IQGAP1: variants seen among roughly 807,000 people sequenced by gnomAD.
IQGAP1 encodes the protein IQ motif containing GTPase activating protein 1.
A neutral mutation model predicts 215.6 loss-of-function variants in IQGAP1; 66 were observed. The ratio of observed to expected loss-of-function variants is 0.31; its 90% CI spans 0.25 to 0.38. IQGAP1 has a LOEUF of 0.38. IQGAP1 is among the 10% of genes least tolerant of loss of function. The pLI is 1.00. For missense variants in IQGAP1, 1,712 were observed against 1,997.1 expected (o/e 0.86, Z 2.72); for synonymous variants, 772 against 728.7 (o/e 1.06, Z -0.96).
intron 33 of IQGAP1, among the ~76,000 whole-genome samples, chr15:90,490,804 G>A (rs1044090082): frequency 6.6e-6 from 1 of 152,058 alleles, no homozygotes; most frequent in Non-Finnish European, 1.5e-5. Context: ...TGATTTGTTT[G>A]TTTGCTTGTT....
intron 4 of IQGAP1, among the ~76,000 whole-genome samples, chr15:90,430,244 C>G (rs1965283238): frequency 6.6e-6 from 1 of 152,106 alleles, no homozygotes; most frequent in Admixed American, 6.6e-5. Flanking sequence ...CATCCCAGTC[C>G]TGTCTGAATC....
chr15:90,464,999 A>G (rs1596279845), intron 15 of IQGAP1, among the ~76,000 whole-genome samples: 1 of 152,186 alleles, frequency 6.6e-6, no homozygotes, highest in Non-Finnish European at 1.5e-5. Context: ...AAAGTAAGTC[A>G]CCTCCACTAC....
At chr15:90,487,388 A>G (rs1596292085) in intron 32 of IQGAP1, 107 bp from the exon 33 acceptor site, 1 of 797,402 alleles carries the variant, frequency 1.3e-6, no homozygotes. Flanking sequence ...GCCGCTTGGG[A>G]CTTCTGTGAG....
intron 2 of IQGAP1, among the ~76,000 whole-genome samples, chr15:90,418,712 A>C (rs1965089238): frequency 6.6e-6 from 1 of 152,240 alleles, no homozygotes; most frequent in African/African-American, 2.4e-5. Flanking sequence ...TGATAGAAGT[A>C]AGGGTTGTTA....
chr15:90,401,543 C>G (rs201963338), intron 2 of IQGAP1, among the ~76,000 whole-genome samples: 3 of 152,228 alleles, frequency 2.0e-5, no homozygotes, highest in African/African-American at 4.8e-5. Flanking sequence ...GCCTCTCCCC[C>G]TCTTCCTCAT....
chr15:90,428,442 G>A (rs1965257055), intron 3 of IQGAP1, among the ~76,000 whole-genome samples: 1 of 152,006 alleles, frequency 6.6e-6, no homozygotes, highest in East Asian at 1.9e-4. Flanking sequence ...TAGGCAGAAT[G>A]GGAAGATAGT....
intron 2 of IQGAP1, among the ~76,000 whole-genome samples, chr15:90,420,322 A>G (rs746564005): frequency 3.3e-5 from 5 of 152,208 alleles, no homozygotes; most frequent in African/African-American, 7.2e-5. Context: ...GAGACAGGAC[A>G]TGGAACCAGA....
At chr15:90,422,031 A>C (rs1240233203) in intron 2 of IQGAP1, among the ~76,000 whole-genome samples, 1 of 152,220 alleles carries the variant, frequency 6.6e-6, no homozygotes, top group Non-Finnish European at 1.5e-5. Flanking sequence ...AGTTAAGCTA[A>C]AATACCTTTA....
Position 90,491,365 on chromosome 15 carries a change from T to A in IQGAP1, c.4281T>A (p.Arg1427=). Residue 1427 remains arginine (R), a synonymous_variant, in exon 34 of 38, where the codon CGT becomes CGA. Coordinates refer to ENST00000268182, the MANE Select transcript of IQGAP1 (RefSeq NM_003870.4). ...AACATCAGAGAGCCATGCAGAGACGTGCTATCCGTGATGCCAAAACACCTG... is the reference window on the plus strand; with the variant it reads ...AACATCAGAGAGCCATGCAGAGACGAGCTATCCGTGATGCCAAAACACCTG... ...EAEHQRAMQR[R]AIRDAKTPDK... is the part of the protein sequence containing the mutation. 1 of 1,614,092 alleles carries A rather than the reference T, an allele frequency of 6.2e-7. No individual in the cohort carries two copies. The highest frequency in any genetic ancestry group is 1.3e-5 in the African/African-American group (1 of 75,022).
At chr15:90,454,643 T>C in intron 14 of IQGAP1, 91 bp downstream of exon 14, 2 of 1,363,842 alleles carry the variant, frequency 1.5e-6, no homozygotes, top group Admixed American at 2.7e-5. Context: ...CCTAGAAGGA[T>C]TTTTGGGTGA....
At chr15:90,407,802 C>T (rs1184211260) in intron 2 of IQGAP1, among the ~76,000 whole-genome samples, 1 of 152,140 alleles carries the variant, frequency 6.6e-6, no homozygotes, top group Non-Finnish European at 1.5e-5. Context: ...GTTTTTAGCT[C>T]CTCCATTGTT....
chr15:90,399,570 G>A (rs1194071374), intron 2 of IQGAP1, among the ~76,000 whole-genome samples: 1 of 152,106 alleles, frequency 6.6e-6, no homozygotes, highest in Admixed American at 6.5e-5. Flanking sequence ...GAGTTTAAAT[G>A]TCAGTCTTTC....
At position 90,501,224 on chromosome 15, in the gene IQGAP1, G is replaced by A. The variant is rs563676434; in HGVS notation, c.*1116G>A. ...ACCAGCCAACCTATGTTACACGTGA[G>A]ATTAAAACCAATTTTTTCCCCATTT... On this transcript the variant is annotated 3_prime_UTR_variant, in exon 38 of 38. Coordinates refer to ENST00000268182, the MANE Select transcript of IQGAP1 (RefSeq NM_003870.4). The A allele has an allele frequency of 6.6e-6, 1 of 152,314 alleles. No homozygotes were observed. Among genetic ancestry groups the A allele is most frequent in the South Asian group, 2.1e-4 (1 of 4,812 alleles). The allele number at this position is 152,314 out of a possible 1,614,324, so 9.4% of individuals were successfully genotyped here.
chr15:90,405,581 G>A (rs1964865945), intron 2 of IQGAP1, among the ~76,000 whole-genome samples: 1 of 152,090 alleles, frequency 6.6e-6, no homozygotes. Flanking sequence ...AGGGTTTAGT[G>A]GTGAAATAAG....
intron 5 of IQGAP1, among the ~76,000 whole-genome samples, chr15:90,435,034 T>C (rs1249512039): frequency 6.6e-6 from 1 of 152,248 alleles, no homozygotes; most frequent in Non-Finnish European, 1.5e-5. Context: ...TATATAATAC[T>C]GATCTATAAG....
intron 9 of IQGAP1, among the ~76,000 whole-genome samples, chr15:90,446,906 T>C (rs1358747719): frequency 6.6e-6 from 1 of 152,238 alleles, no homozygotes; most frequent in Non-Finnish European, 1.5e-5. Context: ...TAAATGTTTA[T>C]AGATATTCAT....
intron 8 of IQGAP1, 68 bp downstream of exon 8, chr15:90,441,752 T>A: frequency 9.0e-7 from 1 of 1,116,916 alleles, no homozygotes; most frequent in Non-Finnish European, 1.3e-6. Context: ...GGCTCCAGTT[T>A]AAACATCAGT....
intron 5 of IQGAP1, among the ~76,000 whole-genome samples, chr15:90,436,261 C>T (rs1965369642): frequency 1.3e-5 from 2 of 152,092 alleles, no homozygotes; most frequent in South Asian, 4.1e-4. Context: ...TTGTGTGTTT[C>T]TCTGCAGAAA....
Position 90,487,510 on chromosome 15 carries a change from T to G in IQGAP1, c.4176T>G (p.Ile1392Met). The part of the protein sequence containing the change: ...RTILLNTKRL[I>M]VDVIRFQPGE... ...CTCGTTTCAGTACAAAACGTTTAATTGTGGATGTCATCCGGTTCCAGCCAG... is the reference window on the plus strand; with the variant it reads ...CTCGTTTCAGTACAAAACGTTTAATGGTGGATGTCATCCGGTTCCAGCCAG... The change falls in exon 33 of 38, where the codon ATT becomes ATG. Residue 1392 changes from isoleucine to methionine, a missense_variant. Ile to Met is a conservative substitution (Grantham distance 10). Around this residue, in one of 2 missense-constraint regions of IQGAP1, gnomAD observed 691 missense variants for 923.0 expected, o/e 0.75. Transcript: ENST00000268182. The G allele has an allele frequency of 6.2e-7, 1 of 1,613,892 alleles. No individual in the cohort carries two copies. The highest frequency in any genetic ancestry group is 8.5e-7 in the Non-Finnish European group (1 of 1,179,768).
Sources: gnomAD v4.1 joint callset for allele counts (sites outside exome capture counted in the v4.1 genomes callset) on GRCh38, gnomAD v4.1.1 for gene constraint, gnomAD v4.1.1 regional missense constraint, MANE v1.5 for transcripts, NCBI Gene and HGNC (gene_info 2026-07-23, HGNC 2026-07-21) for gene names.